Variants in STK24 observed in about 807,000 individuals in gnomAD.
STK24 encodes serine/threonine kinase 24.
STK24 carries 21 observed loss-of-function variants against 55.6 expected under a neutral mutation model. The ratio of observed to expected loss-of-function variants is 0.38; its 90% CI spans 0.27 to 0.54. The LOEUF (loss-of-function observed/expected upper bound fraction) is 0.54. Ranked by LOEUF, STK24 falls within the 20% of genes least tolerant of loss-of-function variation. The pLI is 0.79. For synonymous variants in STK24, 200 were observed against 215.2 expected, an observed-to-expected ratio of 0.93 and a Z score of 0.62; for missense variants, 383 against 538.4, an observed-to-expected ratio of 0.71 and a Z score of 2.86.
intron 1 of STK24, among the ~76,000 whole-genome samples, chr13:98,528,327 A>G (rs768441572): frequency 6.6e-6 from 1 of 152,282 alleles, no homozygotes. Flanking sequence ...GCTCAATGAG[A>G]ACGCCAGAAG....
In STK24 at chr13:98,448,220, C is replaced by T. The variant is rs9517310; in HGVS notation, c.*4953G>A. On this transcript the variant is annotated 3_prime_UTR_variant, in exon 11 of 11. Transcript: ENST00000539966. ...TCCAAACAAAAGGTTGACTAACTGGCGTTCCCGTGTTGCAGGTGGATGGAA... is the reference window on the plus strand; with the variant it reads ...TCCAAACAAAAGGTTGACTAACTGGTGTTCCCGTGTTGCAGGTGGATGGAA... 0.28 allele frequency: 447,347 copies of T among 1,607,738 alleles called. 64,944 individuals are homozygous for T. The highest frequency in any genetic ancestry group is 0.3 in the Non-Finnish European group (355,944 of 1,174,466).
At chr13:98,491,695 A>G (rs1395484363) in intron 2 of STK24, among the ~76,000 whole-genome samples, 1 of 151,594 alleles carries the variant, frequency 6.6e-6, no homozygotes, top group Non-Finnish European at 1.5e-5. Flanking sequence ...CTAAGCCAAA[A>G]AAAAAAAAAA....
At position 98,453,050 on chromosome 13, in the gene STK24, T is replaced by G; in HGVS notation, c.*123A>C. ...GTGTCCCTGGACGGGCGCCTGGCGC[T>G]GGGGTGGCTCCCAGTGGCGCACCTC... On this transcript the variant is annotated 3_prime_UTR_variant, in exon 11 of 11. Transcript: ENST00000539966. The G allele has an allele frequency of 8.9e-7, 1 of 1,124,196 alleles. No individual in the cohort carries two copies. The highest frequency in any genetic ancestry group is 1.3e-6 in the Non-Finnish European group (1 of 772,968). The allele number at this position is 1,124,196 out of a possible 1,614,324, so 69.6% of individuals were successfully genotyped here.
chr13:98,485,121 A>C (rs560608090), intron 2 of STK24, among the ~76,000 whole-genome samples: 3 of 152,220 alleles, frequency 2.0e-5, no homozygotes, highest in African/African-American at 7.2e-5. Flanking sequence ...GTCACCGCCC[A>C]GTGGGTTCAC....
At chr13:98,531,886 G>A (rs771657058) in intron 1 of STK24, among the ~76,000 whole-genome samples, 17 of 152,264 alleles carry the variant, frequency 1.1e-4, no homozygotes, top group South Asian at 8.3e-4. Context: ...AAAGACGCTC[G>A]TGGGAACTAT....
intron 2 of STK24, among the ~76,000 whole-genome samples, chr13:98,510,459 C>T (rs1378811517): frequency 1.9e-4 from 29 of 152,272 alleles, no homozygotes; most frequent in Admixed American, 1.9e-3. Context: ...AAAACATATC[C>T]ACACAAAAAC....
chr13:98,476,914 C>G (rs2139291956), intron 3 of STK24, among the ~76,000 whole-genome samples: 1 of 152,356 alleles, frequency 6.6e-6, no homozygotes, highest in African/African-American at 2.4e-5. Flanking sequence ...GCCTTCTCCA[C>G]CCAGGACCCA....
chr13:98,560,904 GAAA>G lies in STK24; in HGVS notation c.42+15838_42+15840del, dbSNP rs67026041. Among the ~76,000 whole-genome samples the G allele has an allele frequency of 2.8e-3, 371 of 130,652 alleles. 2 individuals are homozygous for G. Among genetic ancestry groups the G allele is most frequent in the African/African-American group, 9.5e-3 (358 of 37,492 alleles). The allele number at this position is 130,652 out of a possible 152,430, so 85.7% of individuals were successfully genotyped here. ...GGGCAAGACTCCGTCTCAAAAAAAA[GAAA>G]AAAAAAAAAAACCATAATTCAGTCA... On this transcript the variant is annotated intron_variant, in intron 1 of 10. Transcript: ENST00000539966.
intron 2 of STK24, among the ~76,000 whole-genome samples, chr13:98,505,408 A>G (rs1300853301): frequency 6.6e-6 from 1 of 152,270 alleles, no homozygotes; most frequent in African/African-American, 2.4e-5. Flanking sequence ...ATACTACACC[A>G]GCCTTGGCTG....
rs534942765 is a variant in STK24, at chr13:98,486,049, C to T, written c.274-3728G>A. ...GGGAGGGGAACATCACACACTGGGG[C>T]CTGTCGGAGGGTGGTGGGCTAGGGG... On this transcript the variant is annotated intron_variant, in intron 2 of 10. Coordinates refer to ENST00000539966, the MANE Select transcript of STK24 (RefSeq NM_001032296.4). 1.3e-3 allele frequency among the ~76,000 whole-genome samples: 198 copies of T among 152,146 alleles called. 3 individuals are homozygous for T. The South Asian group carries it at 0.016, about 12-fold the overall frequency.
intron 2 of STK24, among the ~76,000 whole-genome samples, chr13:98,511,614 AC>A (rs1165623988): frequency 6.6e-6 from 1 of 152,228 alleles, no homozygotes; most frequent in African/African-American, 2.4e-5. Context: ...GTAAAAAGGA[AC>A]AAACAAGTGA....
intron 3 of STK24, among the ~76,000 whole-genome samples, chr13:98,475,622 C>T (rs868810489): frequency 2.2e-4 from 33 of 152,278 alleles, no homozygotes; most frequent in Admixed American, 6.5e-4. Context: ...CCCGCAGCCC[C>T]GCCTGCGCCT....
At chr13:98,470,387 TC>T (rs1247106824) in intron 5 of STK24, among the ~76,000 whole-genome samples, 1 of 152,186 alleles carries the variant, frequency 6.6e-6, no homozygotes, top group African/African-American at 2.4e-5. Context: ...CGCCAGGGAC[TC>T]CCAAAGTGCT....
At chr13:98,557,021 C>T (rs1261868929) in intron 1 of STK24, among the ~76,000 whole-genome samples, 1 of 152,214 alleles carries the variant, frequency 6.6e-6, no homozygotes, top group Non-Finnish European at 1.5e-5. Context: ...CCTCGCACCC[C>T]ATCCATCCAC....
At position 98,448,507 on chromosome 13, in the gene STK24, C is replaced by T. The variant is rs1327320640; in HGVS notation, c.*4666G>A. 1 of 585,686 alleles carries T rather than the reference C, an allele frequency of 1.7e-6. No homozygotes were observed. The highest frequency in any genetic ancestry group is 2.9e-5 in the East Asian group (1 of 34,712). 36.3% of individuals were successfully genotyped at this position (585,686 alleles called of 1,614,324 possible). On this transcript the variant is annotated 3_prime_UTR_variant, in exon 11 of 11. Transcript: ENST00000539966. ...AGCGTCTGAATGAACAGCGCTCCCA[C>T]CTCCAGTCCTGGCATCCGCTGGGGG...
rs1239587805 is a variant in STK24, at chr13:98,554,372, T to C, written c.42+22373A>G. On this transcript the variant is annotated intron_variant, in intron 1 of 10. Coordinates refer to ENST00000539966, the MANE Select transcript of STK24 (RefSeq NM_001032296.4). ...TTTAATTACTAAAATTACCTCTGAC[T>C]AAAACAGCAACAACACAGGCGCTCC... 4.6e-5 allele frequency among the ~76,000 whole-genome samples: 7 copies of C among 152,308 alleles called. No individual in the cohort carries two copies. In the East Asian group the frequency reaches 9.6e-4, roughly 21 times the overall value.
chr13:98,472,768 T>C (rs1040870218), intron 5 of STK24, among the ~76,000 whole-genome samples: 12 of 152,250 alleles, frequency 7.9e-5, no homozygotes, highest in African/African-American at 2.4e-4. Flanking sequence ...CTTTGACTTA[T>C]GGGTTCACAT....
intron 1 of STK24, among the ~76,000 whole-genome samples, chr13:98,540,974 G>A (rs1896873085): frequency 6.6e-6 from 1 of 152,074 alleles, no homozygotes; most frequent in African/African-American, 2.4e-5. Flanking sequence ...TTGGGCATCT[G>A]AAGGAACTCC....
At chr13:98,556,547 G>A (rs1235230683) in intron 1 of STK24, among the ~76,000 whole-genome samples, 2 of 145,356 alleles carry the variant, frequency 1.4e-5, no homozygotes, top group Non-Finnish European at 3.0e-5. Context: ...AAAAATCACT[G>A]TAACACAATG....
Sources: gnomAD v4.1 joint callset for allele counts (sites outside exome capture counted in the v4.1 genomes callset) on GRCh38, gnomAD v4.1.1 for gene constraint, MANE v1.5 for transcripts, NCBI Gene and HGNC (gene_info 2026-07-23, HGNC 2026-07-21) for gene names.